UBN2: variants seen among roughly 807,000 people sequenced by gnomAD.
UBN2 encodes the protein ubinuclein-2.
UBN2 carries 35 observed loss-of-function variants against 120.2 expected under a neutral mutation model. The ratio of observed to expected loss-of-function variants is 0.29; its 90% CI spans 0.22 to 0.39. The LOEUF is 0.39. UBN2 is among the 10% of genes least tolerant of loss of function. The pLI is 1.00. For missense variants in UBN2, 1,693 were observed against 1,663.2 expected (o/e 1.02, Z -0.31); for synonymous variants, 661 against 648.7 (o/e 1.02, Z -0.29).
intron 12 of UBN2, chr7:139,276,368 C>T: frequency 1.9e-6 from 1 of 516,500 alleles, no homozygotes; most frequent in Non-Finnish European, 3.5e-6. Context: ...GCCTGGGATT[C>T]TGGTAGTAGG....
intron 15 of UBN2, among the ~76,000 whole-genome samples, chr7:139,292,644 A>T (rs1797994269): frequency 6.6e-6 from 1 of 152,218 alleles, no homozygotes; most frequent in Non-Finnish European, 1.5e-5. Flanking sequence ...TAAAAAAATA[A>T]TAAGTTTCTG....
intron 8 of UBN2, among the ~76,000 whole-genome samples, chr7:139,271,218 T>G (rs1247307294): frequency 1.3e-5 from 2 of 152,218 alleles, no homozygotes; most frequent in African/African-American, 4.8e-5. Flanking sequence ...TTTACTGGTG[T>G]TCATGGAATA....
chr7:139,232,661 A>G (rs1563199359), intron 1 of UBN2, among the ~76,000 whole-genome samples: 1 of 152,178 alleles, frequency 6.6e-6, no homozygotes, highest in East Asian at 1.9e-4. Flanking sequence ...TTGAATGGGA[A>G]GGTGTCTCCT....
At chr7:139,296,491 TCTC>T (rs1281328123) in intron 17 of UBN2, among the ~76,000 whole-genome samples, 1 of 152,214 alleles carries the variant, frequency 6.6e-6, no homozygotes, top group Admixed American at 6.5e-5. Flanking sequence ...AAGGTTTCCT[TCTC>T]CTGTCCTTTG....
chr7:139,257,638 G>T (rs1457618839), intron 3 of UBN2, among the ~76,000 whole-genome samples: 1 of 152,010 alleles, frequency 6.6e-6, no homozygotes, highest in African/African-American at 2.4e-5. Flanking sequence ...GGCTGGTCTT[G>T]AACTCCTGAC....
At chr7:139,280,865 C>CT (rs1393331585) in intron 13 of UBN2, among the ~76,000 whole-genome samples, 1 of 152,198 alleles carries the variant, frequency 6.6e-6, no homozygotes, top group Non-Finnish European at 1.5e-5. Flanking sequence ...AGGCTGCTCT[C>CT]TAACTCCTGA....
Position 139,231,348 on chromosome 7 carries a change from G to C in UBN2, c.-137G>C, listed in dbSNP as rs1458558117. 1 of 696,836 alleles carries C rather than the reference G, an allele frequency of 1.4e-6. No homozygotes were observed. Among genetic ancestry groups the C allele is most frequent in the Non-Finnish European group, 2.0e-6 (1 of 498,316 alleles). The allele number at this position is 696,836 out of a possible 1,614,324, so 43.2% of individuals were successfully genotyped here. On this transcript the variant is annotated 5_prime_UTR_variant, in exon 1 of 18. Transcript: ENST00000473989. ...GAAGGGGACACGGTCCGCACTCACCGTGGCGCCGGCGGAGACGGCTGAGGG... is the reference window on the plus strand; with the variant it reads ...GAAGGGGACACGGTCCGCACTCACCCTGGCGCCGGCGGAGACGGCTGAGGG...
At chr7:139,260,890 A>G (rs536497319) in intron 5 of UBN2, among the ~76,000 whole-genome samples, 1 of 152,354 alleles carries the variant, frequency 6.6e-6, no homozygotes, top group East Asian at 1.9e-4. Context: ...TTTGGGTTGT[A>G]TAACAGTGAC....
chr7:139,263,766 CAAAA>C (rs34511009), intron 6 of UBN2, among the ~76,000 whole-genome samples: 1 of 64,848 alleles, frequency 1.5e-5, no homozygotes, highest in African/African-American at 5.4e-5. Context: ...GACTCCATCT[CAAAA>C]AAAAAAAAAA....
Position 139,299,658 on chromosome 7 carries a change from A to G in UBN2, c.*1822A>G, listed in dbSNP as rs923160980. ...TAGTTTATCAATAAAACAAATATGG[A>G]TGTAGTATGAACCCCAGTAGATATT... On this transcript the variant is annotated 3_prime_UTR_variant, in exon 18 of 18. Coordinates refer to ENST00000473989, the MANE Select transcript of UBN2 (RefSeq NM_173569.4). 9.2e-5 allele frequency: 14 copies of G among 152,178 alleles called. No individual in the cohort carries two copies. Among genetic ancestry groups the G allele is most frequent in the African/African-American group, 3.1e-4 (13 of 41,440 alleles). The allele number at this position is 152,178 out of a possible 1,614,324, so 9.4% of individuals were successfully genotyped here. A position where few individuals can be genotyped will look rare whatever the true frequency, so the allele number is the denominator to read the frequency against.
intron 6 of UBN2, among the ~76,000 whole-genome samples, chr7:139,262,133 C>T (rs892284511): frequency 3.3e-5 from 5 of 151,688 alleles, no homozygotes; most frequent in African/African-American, 9.7e-5. Context: ...AAGCCTTGCT[C>T]CGTCGTCACA....
At chr7:139,308,786 A>G (rs1399547384), downstream of UBN2, among the ~76,000 whole-genome samples, 2 of 152,208 alleles carry the variant, frequency 1.3e-5, no homozygotes, top group African/African-American at 4.8e-5. Context: ...AAATTCAGGT[A>G]AGAGGCCGGG....
chr7:139,293,128 A>G, intron 15 of UBN2, 104 bp from the exon 16 acceptor site: 1 of 903,942 alleles, frequency 1.1e-6, no homozygotes, highest in South Asian at 1.6e-5. Context: ...TTTCTGTCAG[A>G]GCAGATGTAA....
At chr7:139,249,868 A>C (rs1796572923) in intron 2 of UBN2, among the ~76,000 whole-genome samples, 1 of 144,700 alleles carries the variant, frequency 6.9e-6, no homozygotes, top group Non-Finnish European at 1.5e-5. Flanking sequence ...CTGGCTAATT[A>C]AAAAAAAAAA....
chr7:139,311,489 G>T (rs762051097), downstream of UBN2, among the ~76,000 whole-genome samples: 1 of 152,210 alleles, frequency 6.6e-6, no homozygotes. Context: ...TAGACAAGAC[G>T]CTTTCCCTTT....
Position 139,258,554 on chromosome 7 carries a change from C to A in UBN2, c.730C>A (p.Leu244Ile), listed in dbSNP as rs1796833129. Reference protein sequence around the residue: ...YGGFYINTGTLQFRQASDTEE... With the variant: ...YGGFYINTGTIQFRQASDTEE... ...AGGCTTTTATATCAACACTGGCACT[C>A]TACAGTTTCGCCAAGCTTCAGATAC... The change falls in exon 4 of 18, where the codon CTA (leucine) becomes ATA (isoleucine). Residue 244 changes from leucine (L) to isoleucine (I), a missense_variant. By Grantham distance (5) the Leu-to-Ile change is conservative (BLOSUM62 2). Transcript: ENST00000473989. The A allele has an allele frequency of 6.2e-7, 1 of 1,606,700 alleles. No homozygotes were observed. Among genetic ancestry groups the A allele is most frequent in the South Asian group, 1.1e-5 (1 of 90,112 alleles).
intron 5 of UBN2, among the ~76,000 whole-genome samples, chr7:139,259,956 T>C (rs1469504950): frequency 1.3e-5 from 2 of 152,042 alleles, no homozygotes; most frequent in Non-Finnish European, 2.9e-5. Context: ...TAGTGAAACA[T>C]GAGGGTTTCA....
intron 6 of UBN2, among the ~76,000 whole-genome samples, chr7:139,264,051 C>T (rs1189487573): frequency 6.6e-6 from 1 of 152,080 alleles, no homozygotes; most frequent in Non-Finnish European, 1.5e-5. Flanking sequence ...CAGTTTGATA[C>T]TTTTTATGAC....
chr7:139,308,026 T>TG lies in UBN2; in HGVS notation c.*10190_*10191insG, dbSNP rs940315129. The TG allele has an allele frequency of 2.2e-5, 2 of 92,650 alleles. No homozygotes were observed. Among genetic ancestry groups the TG allele is most frequent in the African/African-American group, 2.7e-4 (2 of 7,540 alleles). 5.7% of individuals were successfully genotyped at this position (92,650 alleles called of 1,614,324 possible). On this transcript the variant is annotated 3_prime_UTR_variant, in exon 18 of 18. Transcript: ENST00000473989. ...CTCCTTCAGTGCAGGGATTTTTGTG[T>TG]TTTTTTTTTTTTTTTAATTTTTTTG... is the stretch of plus-strand genomic sequence containing the variant.
Sources: allele counts gnomAD v4.1 joint callset (sites outside exome capture counted in the v4.1 genomes callset), GRCh38; gene constraint gnomAD v4.1.1; transcripts MANE v1.5; gene names NCBI Gene and HGNC (gene_info 2026-07-23, HGNC 2026-07-21).